The following SCEL variants were observed in gnomAD, a reference collection of about 807,000 sequenced individuals.
SCEL encodes sciellin.
In SCEL, 113 loss-of-function variants were observed where a neutral mutation model predicts 117.6. The ratio of observed to expected loss-of-function variants is 0.96; its 90% CI spans 0.83 to 1.12. SCEL has a LOEUF of 1.12. Ranked by LOEUF, SCEL falls within the 50% of genes most tolerant of loss-of-function variation. SCEL has a pLI of 0.00. For missense variants in SCEL, 785 were observed against 810.8 expected, an observed-to-expected ratio of 0.97 and a Z score of 0.39; for synonymous variants, 270 against 256.2, an observed-to-expected ratio of 1.05 and a Z score of -0.51.
intron 15 of SCEL, 155 bp downstream of exon 15, chr13:77,599,903 G>A: frequency 1.7e-6 from 1 of 597,882 alleles, no homozygotes. Context: ...TGCTGGTTTT[G>A]CCACCAACAT....
intron 1 of SCEL, among the ~76,000 whole-genome samples, chr13:77,549,363 A>G (rs968959821): frequency 2.0e-5 from 3 of 152,186 alleles, no homozygotes; most frequent in African/African-American, 7.2e-5. Flanking sequence ...TATATAATAT[A>G]TATTTTAAAA....
At chr13:77,598,395 C>T (rs570540397) in intron 13 of SCEL, among the ~76,000 whole-genome samples, 1 of 152,266 alleles carries the variant, frequency 6.6e-6, no homozygotes, top group Non-Finnish European at 1.5e-5. Flanking sequence ...TTTTCCTATC[C>T]TGTTCTGGCA....
chr13:77,557,524 A>C (rs2084732007), intron 3 of SCEL, among the ~76,000 whole-genome samples: 1 of 152,220 alleles, frequency 6.6e-6, no homozygotes, highest in African/African-American at 2.4e-5. Flanking sequence ...CTCATTTTAC[A>C]AAAGAGGGAT....
Position 77,563,878 on chromosome 13 carries a change from G to A in SCEL, c.269G>A (p.Ser90Asn), listed in dbSNP as rs763254158. ...DVPKATISRYSSDDTLDRISD... is the reference protein window; with the variant it reads ...DVPKATISRYNSDDTLDRISD... ...CCAAAAGCTACAATTAGTCGGTACA[G>A]TTCTGATGACACTTTGGACAGGTAA... Residue 90 changes from serine (S) to asparagine (N), a missense_variant, in exon 5 of 33, where the codon AGT (serine) becomes AAT (asparagine). Physicochemically the swap from Ser to Asn is conservative, Grantham distance 46. Coordinates refer to ENST00000349847, the MANE Select transcript of SCEL (RefSeq NM_144777.3). 16 of 1,598,842 alleles carry A rather than the reference G, an allele frequency of 1.0e-5. No homozygotes were observed. Among genetic ancestry groups the A allele is most frequent in the Middle Eastern group, 3.3e-4 (2 of 6,034 alleles).
intron 1 of SCEL, among the ~76,000 whole-genome samples, chr13:77,549,259 G>C (rs2084165867): frequency 6.6e-6 from 1 of 152,150 alleles, no homozygotes; most frequent in Non-Finnish European, 1.5e-5. Flanking sequence ...CATTCTAACT[G>C]AAGTAAGATG....
intron 4 of SCEL, among the ~76,000 whole-genome samples, chr13:77,560,559 T>C (rs1481793646): frequency 6.6e-6 from 1 of 152,246 alleles, no homozygotes; most frequent in Non-Finnish European, 1.5e-5. Flanking sequence ...ACAGTACCTT[T>C]CTTTTTGGAA....
chr13:77,549,878 C>T (rs542424109), intron 1 of SCEL, among the ~76,000 whole-genome samples: 1 of 152,172 alleles, frequency 6.6e-6, no homozygotes, highest in Admixed American at 6.5e-5. Flanking sequence ...GTGGAGGTGC[C>T]CATGAGGATG....
At chr13:77,553,334 A>G (rs1281198442) in intron 1 of SCEL, among the ~76,000 whole-genome samples, 1 of 152,168 alleles carries the variant, frequency 6.6e-6, no homozygotes, top group East Asian at 1.9e-4. Flanking sequence ...AATTGCATTT[A>G]CTGTCTCTGC....
chr13:77,576,424 C>T (rs147516692), intron 9 of SCEL, among the ~76,000 whole-genome samples: 132 of 151,664 alleles, frequency 8.7e-4, no homozygotes, highest in African/African-American at 3.2e-3. Flanking sequence ...TATTGATGCT[C>T]CTAAAGGCTC....
intron 4 of SCEL, among the ~76,000 whole-genome samples, chr13:77,563,070 GA>G (rs1163326312): frequency 6.6e-6 from 1 of 152,032 alleles, no homozygotes; most frequent in African/African-American, 2.4e-5. Flanking sequence ...TTGCTTCCAT[GA>G]TCACGATTCC....
chr13:77,563,627 T>C (rs1475413086), intron 4 of SCEL, among the ~76,000 whole-genome samples: 1 of 152,210 alleles, frequency 6.6e-6, no homozygotes, highest in Admixed American at 6.6e-5. Context: ...GAAGAATCTT[T>C]TATTAGCATA....
At chr13:77,583,729 A>G (rs745554047) in intron 9 of SCEL, among the ~76,000 whole-genome samples, 1 of 152,224 alleles carries the variant, frequency 6.6e-6, no homozygotes, top group Non-Finnish European at 1.5e-5. Context: ...AACAAAATTC[A>G]CAGTTAAATA....
Position 77,555,945 on chromosome 13 carries a change from C to G in SCEL, c.43+27C>G, listed in dbSNP as rs781284457. On this transcript the variant is annotated intron_variant, in intron 2 of 32. Coordinates refer to ENST00000349847, the MANE Select transcript of SCEL (RefSeq NM_144777.3). ...TAATGTACATGATGTTTCTCTCACT[C>G]AGAAAACTTTAAAATTTTGGAAAAA... 2.9e-5 allele frequency: 47 copies of G among 1,601,980 alleles called. No individual in the cohort carries two copies. In the Admixed American group the frequency reaches 7.7e-4, roughly 26 times the overall value.
chr13:77,609,168 A>G, intron 21 of SCEL, 51 bp downstream of exon 21: 1 of 1,354,630 alleles, frequency 7.4e-7, no homozygotes, highest in Non-Finnish European at 1.0e-6. Flanking sequence ...AATGCCTAAA[A>G]GTATAATTAA....
intron 9 of SCEL, among the ~76,000 whole-genome samples, chr13:77,587,123 C>G (rs955530672): frequency 1.3e-5 from 2 of 151,940 alleles, no homozygotes; most frequent in South Asian, 2.1e-4. Context: ...AACCTCCTCA[C>G]TTTGAATCAA....
At chr13:77,596,204 A>G (rs1184012972) in intron 12 of SCEL, among the ~76,000 whole-genome samples, 1 of 152,028 alleles carries the variant, frequency 6.6e-6, no homozygotes, top group Admixed American at 6.6e-5. Context: ...ATGGTGGTGC[A>G]CACCTTTAGT....
At chr13:77,621,470 C>T (rs913231109) in intron 27 of SCEL, among the ~76,000 whole-genome samples, 6 of 152,138 alleles carry the variant, frequency 3.9e-5, no homozygotes, top group African/African-American at 1.2e-4. Context: ...TCTGGGAAGC[C>T]CCCCTGACCC....
In SCEL at chr13:77,628,170, G is replaced by GTATATATA. The variant is rs67297453; in HGVS notation, c.1691+175_1691+182dup. On this transcript the variant is annotated intron_variant, in intron 28 of 32. Coordinates refer to ENST00000349847, the MANE Select transcript of SCEL (RefSeq NM_144777.3). ...TATATGTGTGTATATATATGTGTGT[G>GTATATATA]TATATATATATATATATATATCATC... 3.0e-3 allele frequency among the ~76,000 whole-genome samples: 417 copies of GTATATATA among 139,734 alleles called. 5 individuals carry two copies. Among genetic ancestry groups the GTATATATA allele is most frequent in the African/African-American group, 0.011 (397 of 37,730 alleles). 91.7% of individuals were successfully genotyped at this position (139,734 alleles called of 152,430 possible). A position where few individuals can be genotyped will look rare whatever the true frequency, so the allele number is the denominator to read the frequency against.
chr13:77,554,709 A>G (rs1379724249), intron 1 of SCEL, among the ~76,000 whole-genome samples: 2 of 152,226 alleles, frequency 1.3e-5, no homozygotes, highest in Non-Finnish European at 2.9e-5. Flanking sequence ...GGCAGGTTTC[A>G]ATAGCCTCAT....
Sources: gnomAD v4.1 joint callset for allele counts (sites outside exome capture counted in the v4.1 genomes callset) on GRCh38, gnomAD v4.1.1 for gene constraint, MANE v1.5 for transcripts, NCBI Gene and HGNC (gene_info 2026-07-23, HGNC 2026-07-21) for gene names.